Variants in SIPA1L3 observed in about 807,000 individuals in gnomAD.
SIPA1L3 encodes signal-induced proliferation-associated 1-like protein 3.
A neutral mutation model predicts 150.1 loss-of-function variants in SIPA1L3; 59 were observed. That is an observed-to-expected ratio of 0.39 (90% CI 0.32 to 0.49). SIPA1L3 has a LOEUF of 0.49. Among genes scored for constraint, SIPA1L3 ranks in the 20% least tolerant of loss-of-function variants. The pLI is 0.86. For synonymous variants in SIPA1L3, 1,070 were observed against 1,077.6 expected (o/e 0.99, Z 0.14); for missense variants, 2,211 against 2,489.5 (o/e 0.89, Z 2.38).
chr19:38,180,537 C>CTTT (rs60445902), intron 15 of SIPA1L3, among the ~76,000 whole-genome samples: 3 of 124,670 alleles, frequency 2.4e-5, no homozygotes, highest in African/African-American at 9.0e-5. Context: ...TTTTTCTTTT[C>CTTT]TTTTTTTTTT....
At chr19:37,958,855 A>G (rs1301892677) in intron 1 of SIPA1L3, among the ~76,000 whole-genome samples, 3 of 152,270 alleles carry the variant, frequency 2.0e-5, no homozygotes, top group South Asian at 2.1e-4. Context: ...AAAACAACCC[A>G]ATATAGAACA....
rs375681752 is a variant in SIPA1L3 at position 38,119,237 on chromosome 19, C to T, written c.2292-69C>T. On this transcript the variant is annotated intron_variant, in intron 8 of 21. Coordinates refer to ENST00000222345, the MANE Select transcript of SIPA1L3 (RefSeq NM_015073.3). Reference sequence around the variant, plus strand: ...AAAAACCCTATTCCTATTTTTTGATCGAATATTTTCTCTCTGAAGTGTCTT... The same window carrying T: ...AAAAACCCTATTCCTATTTTTTGATTGAATATTTTCTCTCTGAAGTGTCTT... 2.0e-5 allele frequency: 28 copies of T among 1,402,502 alleles called. No homozygotes were observed. The South Asian group carries it at 2.6e-4, about 13-fold the overall frequency. The allele number at this position is 1,402,502 out of a possible 1,614,324, so 86.9% of individuals were successfully genotyped here. A position where few individuals can be genotyped will look rare whatever the true frequency, so the allele number is the denominator to read the frequency against.
chr19:38,057,087 A>G (rs1174305290), intron 2 of SIPA1L3, among the ~76,000 whole-genome samples: 2 of 152,118 alleles, frequency 1.3e-5, no homozygotes, highest in African/African-American at 2.4e-5. Context: ...TCTGGCCAAC[A>G]TGGCGAAACC....
chr19:38,034,651 G>C (rs734365), intron 2 of SIPA1L3, among the ~76,000 whole-genome samples: 37,906 of 152,014 alleles, frequency 0.25, 5,875 homozygotes, highest in African/African-American at 0.44. Context: ...AAACTGTCTT[G>C]TGAATCACAT....
At chr19:37,989,343 C>T (rs1052855957) in intron 1 of SIPA1L3, among the ~76,000 whole-genome samples, 9 of 152,130 alleles carry the variant, frequency 5.9e-5, no homozygotes, top group African/African-American at 2.2e-4. Flanking sequence ...CCTCAGCCTC[C>T]TGAGTAGCTG....
intron 1 of SIPA1L3, among the ~76,000 whole-genome samples, chr19:37,926,711 A>G (rs1185916967): frequency 6.6e-6 from 1 of 152,168 alleles, no homozygotes; most frequent in Non-Finnish European, 1.5e-5. Flanking sequence ...GTGGGGGTGA[A>G]ATAACCTTAA....
chr19:38,138,948 C>T (rs1239451701), intron 10 of SIPA1L3, among the ~76,000 whole-genome samples: 6 of 144,474 alleles, frequency 4.2e-5, no homozygotes, highest in South Asian at 2.2e-4. Flanking sequence ...GTAATCCCAA[C>T]ACTTTGGGAG....
In SIPA1L3 at chr19:38,080,175, G is replaced by T. The variant is rs577658449; in HGVS notation, c.-310-1081G>T. Among the ~76,000 whole-genome samples, 8 of 152,326 alleles carry T rather than the reference G, an allele frequency of 5.3e-5. No homozygotes were observed. The South Asian group carries it at 1.7e-3, about 32-fold the overall frequency. On this transcript the variant is annotated intron_variant, in intron 2 of 21. Transcript: ENST00000222345. ...GATTTCTAGAGACATTCCTTCTGCA[G>T]CTTTCCTCCCCAAACTCCACTGGTG...
At chr19:38,130,207 C>T (rs1394844896) in intron 9 of SIPA1L3, among the ~76,000 whole-genome samples, 1 of 152,226 alleles carries the variant, frequency 6.6e-6, no homozygotes, top group Non-Finnish European at 1.5e-5. Flanking sequence ...TCCCACTGAC[C>T]CCAGGAAGGA....
At chr19:38,041,104 TATTAC>T (rs1484940579) in intron 2 of SIPA1L3, among the ~76,000 whole-genome samples, 1 of 120,628 alleles carries the variant, frequency 8.3e-6, no homozygotes, top group African/African-American at 3.2e-5. Flanking sequence ...ATTTTATTAT[TATTAC>T]TTTTTTTTTT....
chr19:38,090,083 A>T (rs1452820168), intron 4 of SIPA1L3, among the ~76,000 whole-genome samples: 3 of 152,078 alleles, frequency 2.0e-5, no homozygotes, highest in Non-Finnish European at 4.4e-5. Context: ...TAATCCCAGC[A>T]CTTTGGGAGG....
intron 1 of SIPA1L3, among the ~76,000 whole-genome samples, chr19:37,944,399 G>A (rs1238333855): frequency 6.6e-6 from 1 of 152,188 alleles, no homozygotes; most frequent in African/African-American, 2.4e-5. Flanking sequence ...CTGTGCAGTG[G>A]ATTGTTTGTT....
chr19:38,144,272 G>A (rs953994852), intron 12 of SIPA1L3, among the ~76,000 whole-genome samples: 10 of 152,374 alleles, frequency 6.6e-5, no homozygotes, highest in East Asian at 1.9e-4. Context: ...GTAAGAGAGC[G>A]AGAGAGAGAC....
At chr19:38,099,586 C>T (rs2145855832) in intron 4 of SIPA1L3, among the ~76,000 whole-genome samples, 2 of 152,274 alleles carry the variant, frequency 1.3e-5, no homozygotes, top group East Asian at 3.9e-4. Flanking sequence ...GGACAAGGGT[C>T]TTTGTTCATT....
chr19:37,982,982 C>T (rs956979233), intron 1 of SIPA1L3, among the ~76,000 whole-genome samples: 3 of 152,174 alleles, frequency 2.0e-5, no homozygotes, highest in African/African-American at 7.2e-5. Flanking sequence ...ACCATGGTGC[C>T]CTTGCCCCTC....
chr19:38,145,232 C>CA (rs55893104), intron 12 of SIPA1L3, among the ~76,000 whole-genome samples: 39,129 of 151,132 alleles, frequency 0.26, 7,234 homozygotes, highest in African/African-American at 0.53. Flanking sequence ...AGGAAGTTGC[C>CA]AAAAAAAACA....
chr19:38,091,488 T>G (rs1301796133), intron 4 of SIPA1L3, among the ~76,000 whole-genome samples: 1 of 152,214 alleles, frequency 6.6e-6, no homozygotes, highest in Non-Finnish European at 1.5e-5. Flanking sequence ...ATTCTATACC[T>G]TTTATATCTA....
intron 2 of SIPA1L3, among the ~76,000 whole-genome samples, chr19:38,048,900 C>T (rs1344623385): frequency 2.0e-5 from 3 of 152,040 alleles, no homozygotes; most frequent in South Asian, 2.1e-4. Flanking sequence ...CTGGCTAACA[C>T]GGTGAAACCC....
At chr19:37,943,368 A>G (rs1467433464) in intron 1 of SIPA1L3, among the ~76,000 whole-genome samples, 1 of 151,542 alleles carries the variant, frequency 6.6e-6, no homozygotes, top group Non-Finnish European at 1.5e-5. Flanking sequence ...CTTCTCCCTC[A>G]CTCCAACTAC....
Sources: allele counts gnomAD v4.1 joint callset (sites outside exome capture counted in the v4.1 genomes callset), GRCh38; gene constraint gnomAD v4.1.1; transcripts MANE v1.5; gene names NCBI Gene and HGNC (gene_info 2026-07-23, HGNC 2026-07-21).